The following CPAP variants were observed in gnomAD, a reference collection of about 807,000 sequenced individuals.
CPAP encodes the protein centrosomal P4.1-associated protein.
chr13:24,933,185 G>C, the CPAP span: 2 of 1,303,858 alleles, frequency 1.5e-6, no homozygotes, highest in South Asian at 2.4e-5. Flanking sequence ...CGCGCATTCA[G>C]GGAACAACAG....
the CPAP span, among the ~76,000 whole-genome samples, chr13:24,910,900 T>C: frequency 6.6e-6 from 1 of 152,216 alleles, no homozygotes; most frequent in African/African-American, 2.4e-5. Flanking sequence ...ATTGTTTATG[T>C]GCTACAATTT....
chr13:24,889,055 C>T, the CPAP span: 3 of 450,900 alleles, frequency 6.7e-6, no homozygotes, highest in African/African-American at 5.9e-5. Flanking sequence ...CAAAAAGTTT[C>T]AGATTTGGGA....
chr13:24,929,301 A>T, the CPAP span, among the ~76,000 whole-genome samples: 2 of 152,200 alleles, frequency 1.3e-5, no homozygotes, highest in Non-Finnish European at 2.9e-5. Flanking sequence ...AGCTCAAGCA[A>T]TCCACCTGCC....
chr13:24,905,709 C>CT, the CPAP span: 1 of 1,614,168 alleles, frequency 6.2e-7, no homozygotes, highest in South Asian at 1.1e-5. Flanking sequence ...GGCTCAGACA[C>CT]TTTATGTTTT....
chr13:24,928,109 A>C, the CPAP span, among the ~76,000 whole-genome samples: 10 of 152,218 alleles, frequency 6.6e-5, no homozygotes, highest in African/African-American at 2.4e-4. Flanking sequence ...GTACTGAATA[A>C]AAACAGGCAG....
chr13:24,927,687 GTCCT>G, the CPAP span, among the ~76,000 whole-genome samples: 1 of 152,224 alleles, frequency 6.6e-6, no homozygotes, highest in Admixed American at 6.5e-5. Flanking sequence ...ATGCTGAACA[GTCCT>G]ACCATGTGTC....
At chr13:24,895,059 C>G in the CPAP span, among the ~76,000 whole-genome samples, 1 of 152,350 alleles carries the variant, frequency 6.6e-6, no homozygotes, top group East Asian at 1.9e-4. Flanking sequence ...GGGCAAGGCT[C>G]AGGCAGAGGC....
At chr13:24,905,919 CAG>C in the CPAP span, 25 of 1,613,964 alleles carry the variant, frequency 1.5e-5, no homozygotes, top group African/African-American at 2.7e-5. Flanking sequence ...AGCTGTTCCT[CAG>C]AGTCAGTGCT....
At chr13:24,905,966 G>A in the CPAP span, 1 of 1,614,126 alleles carries the variant, frequency 6.2e-7, no homozygotes, top group Non-Finnish European at 8.5e-7. Flanking sequence ...ATCGTCACGT[G>A]CATTCCATTC....
the CPAP span, among the ~76,000 whole-genome samples, chr13:24,900,723 C>T: frequency 4.6e-5 from 7 of 152,238 alleles, no homozygotes; most frequent in East Asian, 9.6e-4. Context: ...AGAGCACAGA[C>T]GCGGGCAGCA....
the CPAP span, chr13:24,933,270 G>A: frequency 2.8e-6 from 2 of 703,046 alleles, no homozygotes; most frequent in African/African-American, 1.8e-5. Context: ...AGGAGAGACT[G>A]TGACTTGGCC....
the CPAP span, among the ~76,000 whole-genome samples, chr13:24,891,865 C>T: frequency 2.9e-3 from 441 of 152,306 alleles, 6 homozygotes; most frequent in African/African-American, 0.01. Context: ...CCCACTAATC[C>T]GATTGCCCCG....
At chr13:24,906,825 T>A in the CPAP span, 2 of 1,614,254 alleles carry the variant, frequency 1.2e-6, no homozygotes, top group South Asian at 2.2e-5. Context: ...TCGGAAGTGC[T>A]CTGGTTAGTC....
At chr13:24,933,005 T>C in the CPAP span, 3 of 1,575,936 alleles carry the variant, frequency 1.9e-6, no homozygotes, top group Admixed American at 1.7e-5. Context: ...TCCTACAGGA[T>C]GGTGATGGGA....
the CPAP span, among the ~76,000 whole-genome samples, chr13:24,919,028 G>A: frequency 1.1e-4 from 16 of 147,204 alleles, no homozygotes; most frequent in African/African-American, 3.8e-4. Context: ...AAAGAAGGAG[G>A]GTGAGGGGAG....
the CPAP span, chr13:24,911,907 A>C: frequency 6.2e-7 from 1 of 1,613,174 alleles, no homozygotes; most frequent in Non-Finnish European, 8.5e-7. Context: ...CAGGTAAGAA[A>C]TGTGCATTAT....
chr13:24,902,416 T>C, the CPAP span, among the ~76,000 whole-genome samples: 1 of 152,196 alleles, frequency 6.6e-6, no homozygotes, highest in African/African-American at 2.4e-5. Context: ...ACTACTATGA[T>C]AAGCATACAT....
chr13:24,892,220 C>T, the CPAP span, among the ~76,000 whole-genome samples: 9 of 152,296 alleles, frequency 5.9e-5, no homozygotes, highest in South Asian at 8.3e-4. Context: ...GTGTCATATG[C>T]GTGCCACTCT....
chr13:24,932,380 G>A, the CPAP span, among the ~76,000 whole-genome samples: 8 of 152,238 alleles, frequency 5.3e-5, no homozygotes, highest in Admixed American at 2.6e-4. Flanking sequence ...TGGAGGCTGA[G>A]GCAGGAGAAT....
Sources: allele counts gnomAD v4.1 joint callset (sites outside exome capture counted in the v4.1 genomes callset), GRCh38; gene constraint gnomAD v4.1.1; transcripts MANE v1.5; gene names NCBI Gene and HGNC (gene_info 2026-07-23, HGNC 2026-07-21).